Variants in LAMB4 observed in about 807,000 individuals in gnomAD.
The protein encoded by LAMB4 is laminin subunit beta-4.
Under a neutral mutation model 199.2 loss-of-function variants are expected in LAMB4, and 196 were observed. The ratio of observed to expected loss-of-function variants is 0.98; its 90% CI spans 0.88 to 1.11. The LOEUF (loss-of-function observed/expected upper bound fraction) is 1.11, where lower values mean the gene tolerates loss of function less well. Ranked by LOEUF, LAMB4 falls within the 50% of genes least tolerant of loss-of-function variation. The pLI is 0.00. For synonymous variants in LAMB4, 744 were observed against 770.6 expected (o/e 0.97, Z 0.57); for missense variants, 2,080 against 2,171.2 (o/e 0.96, Z 0.83).
chr7:108,056,129 T>C, intron 24 of LAMB4, 122 bp from the exon 25 acceptor site: 1 of 848,490 alleles, frequency 1.2e-6, no homozygotes, highest in Non-Finnish European at 1.8e-6. Flanking sequence ...AAGATGAATA[T>C]TTAAAGCCAA....
At chr7:108,041,292 T>C (rs867364776) in intron 29 of LAMB4, among the ~76,000 whole-genome samples, 11 of 152,138 alleles carry the variant, frequency 7.2e-5, no homozygotes, top group Admixed American at 2.0e-4. Context: ...TTATACAGTG[T>C]TGGTGGGGGT....
intron 18 of LAMB4, 85 bp from the exon 19 acceptor site, chr7:108,068,244 C>T: frequency 2.1e-6 from 3 of 1,411,272 alleles, no homozygotes; most frequent in Non-Finnish European, 2.9e-6. Context: ...GTTCACCTCT[C>T]TCTCATTTAA....
chr7:108,053,212 T>C (rs537978487), intron 25 of LAMB4, among the ~76,000 whole-genome samples: 71 of 152,340 alleles, frequency 4.7e-4, no homozygotes, highest in African/African-American at 1.6e-3. Context: ...ATCCAGACTT[T>C]CTCTCTTTTG....
chr7:108,122,087 G>C (rs1361782771), intron 2 of LAMB4, among the ~76,000 whole-genome samples: 2 of 152,212 alleles, frequency 1.3e-5, no homozygotes, highest in East Asian at 3.9e-4. Flanking sequence ...TAGTTTAGAA[G>C]ATTGCTTCTC....
intron 7 of LAMB4, among the ~76,000 whole-genome samples, 194 bp from the exon 8 acceptor site, chr7:108,106,225 C>T (rs1037632495): frequency 6.6e-6 from 1 of 152,056 alleles, no homozygotes; most frequent in Non-Finnish European, 1.5e-5. Flanking sequence ...CAAGACCAGA[C>T]TGGGCAACAT....
chr7:108,091,062 A>G (rs1283966423), intron 14 of LAMB4, among the ~76,000 whole-genome samples: 1 of 150,958 alleles, frequency 6.6e-6, no homozygotes, highest in Non-Finnish European at 1.5e-5. Flanking sequence ...AACTTTCACA[A>G]GCTTTCTCTC....
chr7:108,058,956 C>G (rs1046767903), intron 23 of LAMB4, among the ~76,000 whole-genome samples: 1 of 152,142 alleles, frequency 6.6e-6, no homozygotes. Flanking sequence ...GGATCTGCCA[C>G]GTTTCAATAT....
intron 30 of LAMB4, among the ~76,000 whole-genome samples, chr7:108,036,194 A>AT (rs564957239): frequency 0.059 from 8,422 of 142,440 alleles, 790 homozygotes; most frequent in African/African-American, 0.2. Flanking sequence ...TGATTACTTG[A>AT]TTTTTTTTTT....
chr7:108,106,870 A>G (rs2038036876), intron 6 of LAMB4, among the ~76,000 whole-genome samples: 1 of 152,162 alleles, frequency 6.6e-6, no homozygotes, highest in Non-Finnish European at 1.5e-5. Flanking sequence ...CCTGACCGTG[A>G]AATGCACTCT....
chr7:108,129,335 T>C (rs1206682831), intron 1 of LAMB4, among the ~76,000 whole-genome samples: 1 of 152,186 alleles, frequency 6.6e-6, no homozygotes, highest in African/African-American at 2.4e-5. Flanking sequence ...CAGAAGATAA[T>C]TATAAATACA....
intron 14 of LAMB4, among the ~76,000 whole-genome samples, chr7:108,090,651 T>G (rs548107004): frequency 1.5e-4 from 23 of 152,372 alleles, no homozygotes; most frequent in Non-Finnish European, 2.9e-4. Flanking sequence ...TACAACCATC[T>G]ATTTTAGATA....
At chr7:108,099,462 A>G (rs1192833528) in intron 10 of LAMB4, among the ~76,000 whole-genome samples, 2 of 152,168 alleles carry the variant, frequency 1.3e-5, no homozygotes, top group African/African-American at 4.8e-5. Context: ...AGAACTCTCA[A>G]ATAGTTAGGG....
At chr7:108,084,654 G>A (rs999570647) in intron 14 of LAMB4, among the ~76,000 whole-genome samples, 5 of 152,132 alleles carry the variant, frequency 3.3e-5, no homozygotes, top group African/African-American at 1.2e-4. Context: ...TGCAAGGTAA[G>A]TGTGTTACTA....
intron 14 of LAMB4, among the ~76,000 whole-genome samples, chr7:108,082,110 C>A (rs569426432): frequency 6.6e-6 from 1 of 152,184 alleles, no homozygotes; most frequent in Admixed American, 6.5e-5. Context: ...GTGGGTGGAT[C>A]ACGAGGTCAG....
intron 21 of LAMB4, among the ~76,000 whole-genome samples, chr7:108,064,696 G>A (rs1051159660): frequency 4.6e-5 from 7 of 152,094 alleles, no homozygotes; most frequent in Admixed American, 2.0e-4. Context: ...TGGGAAAGAG[G>A]CTGCAAGGGA....
At chr7:108,071,995 C>G (rs1251123553) in intron 17 of LAMB4, among the ~76,000 whole-genome samples, 1 of 151,530 alleles carries the variant, frequency 6.6e-6, no homozygotes, top group African/African-American at 2.4e-5. Flanking sequence ...CCATGGTCCT[C>G]AATATGGGAG....
intron 24 of LAMB4, 62 bp from the exon 25 acceptor site, chr7:108,056,069 A>T: frequency 6.8e-7 from 1 of 1,468,474 alleles, no homozygotes; most frequent in Non-Finnish European, 9.2e-7. Context: ...GACTAACTCA[A>T]GAATCAGGTC....
Position 108,030,838 on chromosome 7 carries a change from A to T in LAMB4, c.4960T>A (p.Ser1654Thr). ...HAVNAKVQAE[S>T]AQHQAGSLEK... ...AGACTCCCAGCCTGGTGTTGGGCAG[A>T]TTCAGCCTGAACTTTCGCATTGACA... Residue 1654 changes from serine to threonine, a missense_variant, in exon 32 of 34, where the codon TCT (serine) becomes ACT (threonine). Ser to Thr is a moderately conservative substitution (Grantham distance 58, BLOSUM62 1). Coordinates refer to ENST00000388781, the MANE Select transcript of LAMB4 (RefSeq NM_007356.3). The T allele has an allele frequency of 6.2e-7, 1 of 1,614,162 alleles. No homozygotes were observed. Among genetic ancestry groups the T allele is most frequent in the Non-Finnish European group, 8.5e-7 (1 of 1,179,994 alleles).
At chr7:108,085,707 G>A (rs983771846) in intron 14 of LAMB4, among the ~76,000 whole-genome samples, 1 of 151,890 alleles carries the variant, frequency 6.6e-6, no homozygotes, top group East Asian at 1.9e-4. Context: ...TCTGCCTCCC[G>A]GGTTCACGCC....
Sources: allele counts gnomAD v4.1 joint callset (sites outside exome capture counted in the v4.1 genomes callset), GRCh38; gene constraint gnomAD v4.1.1; transcripts MANE v1.5; gene names NCBI Gene and HGNC (gene_info 2026-07-23, HGNC 2026-07-21).